Variants in MAP3K15 observed in about 807,000 individuals in gnomAD.
The protein encoded by MAP3K15 is mitogen-activated protein kinase kinase kinase 15.
Under a neutral mutation model 99.5 loss-of-function variants are expected in MAP3K15, and 124 were observed. That is an observed-to-expected ratio of 1.25 (90% CI 1.08 to 1.45). The LOEUF is 1.45. Among genes scored for constraint, MAP3K15 ranks in the 40% most tolerant of loss-of-function variants. MAP3K15 has a pLI of 0.00. For missense variants in MAP3K15, 1,242 were observed against 1,079.7 expected (o/e 1.15, Z -2.11); for synonymous variants, 494 against 439.6 (o/e 1.12, Z -1.55).
At chrX:19,512,819 A>T (rs888530778) in intron 1 of MAP3K15, among the ~76,000 whole-genome samples, 5 of 111,153 alleles carry the variant, frequency 4.5e-5, no homozygotes, top group South Asian at 7.6e-4. Flanking sequence ...ACCGTATTCT[A>T]ATCAGTTTAA....
chrX:19,489,268 T>C (rs953748191), intron 1 of MAP3K15, among the ~76,000 whole-genome samples: 1 of 111,342 alleles, frequency 9.0e-6, no homozygotes, highest in Admixed American at 9.6e-5. Flanking sequence ...TATATTTAGC[T>C]TATATATGAG....
chrX:19,442,883 TG>T (rs1207469483), intron 6 of MAP3K15, among the ~76,000 whole-genome samples: 1 of 105,337 alleles, frequency 9.5e-6, no homozygotes. Flanking sequence ...CCACCACACC[TG>T]GGTAATTTTT....
chrX:19,390,576 T>C (rs1454576671), intron 18 of MAP3K15, among the ~76,000 whole-genome samples: 2 of 105,980 alleles, frequency 1.9e-5, no homozygotes, highest in African/African-American at 6.8e-5. Context: ...GTAATAATAA[T>C]AATTATTTAT....
intron 15 of MAP3K15, among the ~76,000 whole-genome samples, chrX:19,395,798 AAGGAC>A (rs2063563896): frequency 8.9e-6 from 1 of 112,204 alleles, no homozygotes; most frequent in South Asian, 3.7e-4. Flanking sequence ...TGTCACATAC[AAGGAC>A]TTTCAAAGAT....
chrX:19,368,921 C>G, intron 25 of MAP3K15, 133 bp downstream of exon 25: 1 of 604,841 alleles, frequency 1.7e-6, no homozygotes. Flanking sequence ...TTGCCTAGTT[C>G]GTGGATGATG....
At chrX:19,463,895 G>C (rs1436285274) in intron 4 of MAP3K15, among the ~76,000 whole-genome samples, 1 of 108,335 alleles carries the variant, frequency 9.2e-6, no homozygotes, top group African/African-American at 3.4e-5. Context: ...AGCTGAAAGA[G>C]ATCGTTAAAA....
Position 19,361,539 on chromosome X carries a change from A to G in MAP3K15, c.3734T>C (p.Ile1245Thr). 1 of 1,211,771 alleles carries G rather than the reference A, an allele frequency of 8.3e-7. No homozygotes were observed. Among genetic ancestry groups the G allele is most frequent in the Non-Finnish European group, 1.1e-6 (1 of 895,274 alleles). Residue 1245 changes from isoleucine to threonine, a missense_variant, in exon 27 of 29, where the codon ATA (isoleucine) becomes ACA (threonine). By Grantham distance (89) the Ile-to-Thr change is moderately conservative. Coordinates refer to ENST00000338883, the MANE Select transcript of MAP3K15 (RefSeq NM_001001671.4). Reference protein sequence around the residue: ...PYGQRTDKELIDWLRLQGADA... With the variant: ...PYGQRTDKELTDWLRLQGADA... ...AGCTCCTTGCAGCCGCAACCAGTCT[A>G]TAAGCTCTTTATCTGTTCTCTGCCC... is the stretch of plus-strand genomic sequence containing the variant.
At chrX:19,483,353 G>C (rs2064304251) in intron 3 of MAP3K15, among the ~76,000 whole-genome samples, 1 of 109,838 alleles carries the variant, frequency 9.1e-6, no homozygotes, top group Non-Finnish European at 1.9e-5. Context: ...TTTTATCTTT[G>C]TTATTATTAT....
intron 25 of MAP3K15, among the ~76,000 whole-genome samples, chrX:19,368,616 G>A (rs1037030799): frequency 2.7e-5 from 3 of 111,826 alleles, no homozygotes; most frequent in African/African-American, 9.8e-5. Flanking sequence ...AAACTTCCTC[G>A]GGGTCGGGAT....
chrX:19,415,865 G>C (rs754680235), intron 9 of MAP3K15, among the ~76,000 whole-genome samples: 2 of 111,829 alleles, frequency 1.8e-5, no homozygotes, highest in Non-Finnish European at 3.8e-5. Flanking sequence ...CACACTTACA[G>C]ACTGTATATG....
intron 3 of MAP3K15, among the ~76,000 whole-genome samples, chrX:19,468,546 C>A (rs777377797): frequency 1.6e-4 from 18 of 111,753 alleles, no homozygotes; most frequent in Non-Finnish European, 2.8e-4. Context: ...ACTGTCATTC[C>A]TGGGTGAGGA....
At chrX:19,404,867 C>G (rs1397586192) in intron 13 of MAP3K15, among the ~76,000 whole-genome samples, 2 of 111,277 alleles carry the variant, frequency 1.8e-5, no homozygotes, top group Non-Finnish European at 3.8e-5. Flanking sequence ...AAAATGAATT[C>G]AAAATGGGTC....
At chrX:19,368,980 A>G (rs2063355068) in intron 25 of MAP3K15, 74 bp downstream of exon 25, 7 of 1,046,404 alleles carry the variant, frequency 6.7e-6, no homozygotes, top group Admixed American at 3.6e-5. Flanking sequence ...AATAAAGCCA[A>G]TTAATCAGCA....
intron 3 of MAP3K15, among the ~76,000 whole-genome samples, chrX:19,475,354 T>A (rs780158693): frequency 9.0e-6 from 1 of 111,264 alleles, no homozygotes; most frequent in Non-Finnish European, 1.9e-5. Context: ...CAGCTATAAA[T>A]ACAGATGAAG....
chrX:19,489,098 T>C (rs2064349656), intron 1 of MAP3K15, 131 bp from the exon 2 acceptor site: 1 of 604,355 alleles, frequency 1.7e-6, no homozygotes, highest in South Asian at 4.5e-5. Flanking sequence ...AAGTAAGGAA[T>C]GATTTGATTA....
chrX:19,365,704 T>C (rs903401605), intron 25 of MAP3K15, among the ~76,000 whole-genome samples: 10 of 111,675 alleles, frequency 9.0e-5, no homozygotes, highest in African/African-American at 3.3e-4. Flanking sequence ...AGAACTAAGC[T>C]TTATTGAAAT....
At chrX:19,416,046 T>C (rs1376344814) in intron 9 of MAP3K15, among the ~76,000 whole-genome samples, 1 of 111,943 alleles carries the variant, frequency 8.9e-6, no homozygotes, top group Non-Finnish European at 1.9e-5. Flanking sequence ...AACTCCACCA[T>C]GTGGCCAGGT....
chrX:19,384,749 GAAAA>G (rs34619145), intron 18 of MAP3K15, among the ~76,000 whole-genome samples: 2 of 22,556 alleles, frequency 8.9e-5, no homozygotes, highest in African/African-American at 3.8e-4. Flanking sequence ...TGTCTCAGGG[GAAAA>G]AAAAAAAAAA....
intron 3 of MAP3K15, among the ~76,000 whole-genome samples, chrX:19,480,591 G>A (rs2064281460): frequency 9.6e-6 from 1 of 104,611 alleles, no homozygotes; most frequent in Non-Finnish European, 2.0e-5. Context: ...AAGGCAGGTG[G>A]ATCACCTGAG....
Sources: gnomAD v4.1 joint callset for allele counts (sites outside exome capture counted in the v4.1 genomes callset) on GRCh38, gnomAD v4.1.1 for gene constraint, MANE v1.5 for transcripts, NCBI Gene and HGNC (gene_info 2026-07-23, HGNC 2026-07-21) for gene names.